STYK1: variants seen among roughly 807,000 people sequenced by gnomAD.
STYK1 encodes STY kinase 1.
Under a neutral mutation model 48.1 loss-of-function variants are expected in STYK1, and 46 were observed. The ratio of observed to expected loss-of-function variants is 0.96; its 90% CI spans 0.75 to 1.22. The LOEUF (loss-of-function observed/expected upper bound fraction) is 1.22. Ranked by LOEUF, STYK1 falls within the 50% of genes most tolerant of loss-of-function variation. The pLI is 0.00. For missense variants in STYK1, 527 were observed against 521.1 expected, an observed-to-expected ratio of 1.01 and a Z score of -0.11; for synonymous variants, 188 against 189.0, an observed-to-expected ratio of 0.99 and a Z score of 0.04.
chr12:10,635,598 G>A (rs1947477638), intron 2 of STYK1, among the ~76,000 whole-genome samples: 1 of 152,106 alleles, frequency 6.6e-6, no homozygotes, highest in South Asian at 2.1e-4. Context: ...ACATTCATAT[G>A]ATTCAAAAAA....
Position 10,663,598 on chromosome 12 carries a change from C to CAAAA in STYK1, c.-195+10364_-195+10367dup, listed in dbSNP as rs34019110. Among the ~76,000 whole-genome samples, 8 of 51,486 alleles carry CAAAA rather than the reference C, an allele frequency of 1.6e-4. 1 individual carries two copies. Among genetic ancestry groups the CAAAA allele is most frequent in the Non-Finnish European group, 2.8e-4 (8 of 28,370 alleles). 33.8% of individuals were successfully genotyped at this position (51,486 alleles called of 152,430 possible). ...TGGGCGACAGAACGAGACTCTGTCT[C>CAAAA]AAAAAAAAAAAAAAAAAAAAAAAAA... is the stretch of plus-strand genomic sequence containing the variant. On this transcript the variant is annotated intron_variant, in intron 1 of 10. Transcript: ENST00000075503.
chr12:10,631,148 A>G lies in STYK1; in HGVS notation c.348T>C (p.Val116=). 6.2e-7 allele frequency: 1 copy of G among 1,614,174 alleles called. No individual in the cohort carries two copies. The highest frequency in any genetic ancestry group is 1.3e-5 in the African/African-American group (1 of 75,046). The change falls in exon 5 of 11, where the codon GTT becomes GTC. Residue 116 remains valine, a synonymous_variant. Transcript: ENST00000075503. ...AGCTACCACTGCAAATCTGCTCCAG[A>G]ACTTCAGAGAGTTGCTCCCGCGGCA... ...LQVPREQLSE[V]LEQICSGSCG...
chr12:10,663,780 A>G (rs10845194), intron 1 of STYK1, among the ~76,000 whole-genome samples: 81,667 of 149,098 alleles, frequency 0.55, 23,220 homozygotes, highest in East Asian at 0.79. Flanking sequence ...GGATTATGTT[A>G]AGGATGTAGA....
Position 10,624,653 on chromosome 12 carries a change from A to T in STYK1, c.924T>A (p.Asp308Glu), listed in dbSNP as rs1438197223. The T allele has an allele frequency of 6.2e-7, 1 of 1,613,954 alleles. No individual in the cohort carries two copies. Among genetic ancestry groups the T allele is most frequent in the East Asian group, 2.2e-5 (1 of 44,876 alleles). Residue 308 changes from aspartate (D) to glutamate (E), a missense_variant and splice_region_variant, in exon 8 of 11, where the codon GAT (aspartate) becomes GAA (glutamate). Transcript: ENST00000075503. Reference sequence around the variant, plus strand: ...CAGAGTCCAGGAATAAACCGTACACATCTGCTCTGATGCTAGCAGGTCTCA... The same window carrying T: ...CAGAGTCCAGGAATAAACCGTACACTTCTGCTCTGATGCTAGCAGGTCTCA... ...LLLRPASIRA[D>E]VWSFGILLYE... is the part of the protein sequence containing the mutation.
At chr12:10,642,256 A>G (rs1947553516) in intron 1 of STYK1, among the ~76,000 whole-genome samples, 1 of 152,212 alleles carries the variant, frequency 6.6e-6, no homozygotes, top group Non-Finnish European at 1.5e-5. Flanking sequence ...TACCCTGCAT[A>G]GAATTTCCTG....
At chr12:10,663,565 C>G (rs1035818534) in intron 1 of STYK1, among the ~76,000 whole-genome samples, 30 of 125,016 alleles carry the variant, frequency 2.4e-4, no homozygotes, top group African/African-American at 9.1e-4. Flanking sequence ...CGCCACTGCA[C>G]TCCAGCCTGG....
At chr12:10,639,751 G>T (rs994783982) in intron 1 of STYK1, among the ~76,000 whole-genome samples, 3 of 152,132 alleles carry the variant, frequency 2.0e-5, no homozygotes, top group African/African-American at 7.2e-5. Flanking sequence ...GCAGAGCAAG[G>T]TTGCACACCC....
intron 1 of STYK1, among the ~76,000 whole-genome samples, chr12:10,644,840 C>G (rs1947581950): frequency 6.6e-6 from 1 of 151,912 alleles, no homozygotes. Flanking sequence ...TTGTACAGTT[C>G]TTAGGATTCA....
Position 10,634,128 on chromosome 12 carries a change from G to C in STYK1, c.53-4C>G, listed in dbSNP as rs773448342. 9 of 1,599,890 alleles carry C rather than the reference G, an allele frequency of 5.6e-6. No homozygotes were observed. Among genetic ancestry groups the C allele is most frequent in the Non-Finnish European group, 5.1e-6 (6 of 1,176,074 alleles). On this transcript the variant is annotated splice_region_variant and splice_polypyrimidine_tract_variant and intron_variant, in intron 3 of 10. Coordinates refer to ENST00000075503, the MANE Select transcript of STYK1 (RefSeq NM_018423.3). Reference sequence around the variant, plus strand: ...TCATACTGCTTCTCCTGGATGACTGGGTAGGCGATCACACAGGAAGAGAAG... The same window carrying C: ...TCATACTGCTTCTCCTGGATGACTGCGTAGGCGATCACACAGGAAGAGAAG...
At chr12:10,636,293 C>A in intron 2 of STYK1, among the ~76,000 whole-genome samples, 1 of 152,202 alleles carries the variant, frequency 6.6e-6, no homozygotes, top group East Asian at 1.9e-4. Context: ...AATTCCCTTA[C>A]GACTCAAGAG....
chr12:10,626,773 G>A (rs926765764), intron 7 of STYK1, among the ~76,000 whole-genome samples: 7 of 152,146 alleles, frequency 4.6e-5, no homozygotes, highest in African/African-American at 1.7e-4. Context: ...TTGGGAGGCC[G>A]AGGCGCGCGG....
chr12:10,655,179 T>C (rs1947704728), intron 1 of STYK1, among the ~76,000 whole-genome samples: 1 of 152,188 alleles, frequency 6.6e-6, no homozygotes, highest in Admixed American at 6.5e-5. Context: ...TATTCTGTCA[T>C]AAAGGGGAGG....
chr12:10,650,773 G>A (rs1477190149), intron 1 of STYK1, among the ~76,000 whole-genome samples: 1 of 152,132 alleles, frequency 6.6e-6, no homozygotes, highest in Non-Finnish European at 1.5e-5. Flanking sequence ...GGCGGAGGCA[G>A]GCGGATGACC....
intron 4 of STYK1, among the ~76,000 whole-genome samples, chr12:10,632,340 T>C (rs1403440256): frequency 6.6e-6 from 1 of 152,282 alleles, no homozygotes; most frequent in South Asian, 2.1e-4. Context: ...GAGCAAACCA[T>C]GCTGGTGTCA....
intron 4 of STYK1, 52 bp downstream of exon 4, chr12:10,633,938 C>CATCTTCTT (rs758291954): frequency 2.5e-6 from 4 of 1,589,956 alleles, no homozygotes; most frequent in Non-Finnish European, 1.7e-6. Flanking sequence ...ATACTTTTTC[C>CATCTTCTT]TAATCTCCAT....
chr12:10,634,211 C>A, intron 3 of STYK1, 87 bp from the exon 4 acceptor site: 2 of 1,460,434 alleles, frequency 1.4e-6, no homozygotes, highest in Non-Finnish European at 1.9e-6. Context: ...CAGCTCTCAG[C>A]TCATCATACA....
chr12:10,673,250 G>A (rs958225466), intron 1 of STYK1, among the ~76,000 whole-genome samples: 3 of 152,146 alleles, frequency 2.0e-5, no homozygotes, highest in African/African-American at 7.2e-5. Flanking sequence ...GGTGGTGGGA[G>A]CCTGTAATCC....
Position 10,629,683 on chromosome 12 carries a change from G to A in STYK1, c.452-9C>T, listed in dbSNP as rs1204430856. ...ATGGAGCCCAGCTGGTTCTGTAGAG[G>A]ACGAAAGATCCAGGCAGTGAGCAGT... On this transcript the variant is annotated splice_polypyrimidine_tract_variant and intron_variant, in intron 5 of 10. Coordinates refer to ENST00000075503, the MANE Select transcript of STYK1 (RefSeq NM_018423.3). The A allele has an allele frequency of 6.2e-7, 1 of 1,614,090 alleles. No homozygotes were observed. Among genetic ancestry groups the A allele is most frequent in the East Asian group, 2.2e-5 (1 of 44,880 alleles).
chr12:10,641,476 C>T (rs1947544307), intron 1 of STYK1, among the ~76,000 whole-genome samples: 2 of 152,214 alleles, frequency 1.3e-5, no homozygotes, highest in Admixed American at 6.5e-5. Flanking sequence ...CTGTCTAACA[C>T]ACTGCCCTCT....
Sources: gnomAD v4.1 joint callset for allele counts (sites outside exome capture counted in the v4.1 genomes callset) on GRCh38, gnomAD v4.1.1 for gene constraint, MANE v1.5 for transcripts, NCBI Gene and HGNC (gene_info 2026-07-23, HGNC 2026-07-21) for gene names.